The following SCAF11 variants were observed in gnomAD, a reference collection of about 807,000 sequenced individuals.
SCAF11 encodes the protein protein SCAF11.
Under a neutral mutation model 140.5 loss-of-function variants are expected in SCAF11, and 47 were observed. The observed-to-expected ratio is 0.33, with a 90% CI of 0.26 to 0.43. SCAF11 has a LOEUF of 0.43. SCAF11 is among the 20% of genes least tolerant of loss of function. The pLI is 1.00. For synonymous variants in SCAF11, 557 were observed against 579.4 expected, an observed-to-expected ratio of 0.96 and a Z score of 0.55; for missense variants, 1,645 against 1,705.1, an observed-to-expected ratio of 0.96 and a Z score of 0.62.
At chr12:45,973,143 C>G (rs759047049) in intron 1 of SCAF11, among the ~76,000 whole-genome samples, 1 of 148,850 alleles carries the variant, frequency 6.7e-6, no homozygotes, top group Admixed American at 6.7e-5. Flanking sequence ...CAAATGGAAA[C>G]CAACAAAAAG....
intron 1 of SCAF11, among the ~76,000 whole-genome samples, chr12:45,983,617 A>G (rs939352760): frequency 1.3e-5 from 2 of 152,148 alleles, no homozygotes; most frequent in Admixed American, 6.5e-5. Flanking sequence ...CTGGACTTAG[A>G]TAAATGTTAT....
chr12:45,963,958 A>G (rs1945880755), intron 2 of SCAF11, 149 bp downstream of exon 2: 2 of 548,232 alleles, frequency 3.6e-6, no homozygotes, highest in African/African-American at 4.0e-5. Context: ...ATGGGAAGAA[A>G]AAAATGTGTA....
chr12:45,948,295 C>A (rs1444343339), intron 5 of SCAF11, 142 bp downstream of exon 5: 1 of 581,648 alleles, frequency 1.7e-6, no homozygotes, highest in Non-Finnish European at 3.0e-6. Context: ...TTCAGCTAGT[C>A]CCTCCTTAAA....
chr12:45,924,933 C>T lies in SCAF11; in HGVS notation c.3701G>A (p.Gly1234Asp), dbSNP rs1342653930. 3 of 1,613,986 alleles carry T rather than the reference C, an allele frequency of 1.9e-6. No homozygotes were observed. The highest frequency in any genetic ancestry group is 1.3e-5 in the African/African-American group (1 of 74,900). Residue 1234 changes from glycine (G) to aspartate (D), a missense_variant, in exon 12 of 15, where the codon GGT becomes GAT. Transcript: ENST00000369367. ...QPMNIFPYPV[G>D]VHAPLMNIQR... ...GATGTTCATCAAAGGAGCATGAACA[C>T]CCACTGGATATGGGAAGATATTCAT...
chr12:45,931,496 CAA>C lies in SCAF11; in HGVS notation c.841+8_841+9del. ...ATTTTTAAAATAGAAAATGATTTCA[CAA>C]ACTTTACCAAAATGTTCGAAAGATA... On this transcript the variant is annotated splice_region_variant and intron_variant, in intron 10 of 14. Transcript: ENST00000369367. The C allele has an allele frequency of 7.5e-7, 1 of 1,330,964 alleles. No individual in the cohort carries two copies. The highest frequency in any genetic ancestry group is 1.0e-6 in the Non-Finnish European group (1 of 1,004,734). 82.4% of individuals were successfully genotyped at this position (1,330,964 alleles called of 1,614,324 possible). A position where few individuals can be genotyped will look rare whatever the true frequency, so the allele number is the denominator to read the frequency against.
chr12:45,990,433 C>T lies in SCAF11; in HGVS notation c.-102G>A. 1 of 1,232,036 alleles carries T rather than the reference C, an allele frequency of 8.1e-7. No individual in the cohort carries two copies. The allele number at this position is 1,232,036 out of a possible 1,614,324, so 76.3% of individuals were successfully genotyped here. On this transcript the variant is annotated 5_prime_UTR_variant, in exon 1 of 15. Coordinates refer to ENST00000369367, the MANE Select transcript of SCAF11 (RefSeq NM_004719.3). ...GTCCCAGTCACTCCGCTGCCAAGTT[C>T]CCCAACATGGACTCCTTCGTCCGCT...
At chr12:45,933,031 G>T (rs1287479512) in intron 9 of SCAF11, 100 bp downstream of exon 9, 2 of 762,524 alleles carry the variant, frequency 2.6e-6, no homozygotes, top group Non-Finnish European at 2.0e-6. Flanking sequence ...ACTTCCTTAG[G>T]AAAATAACAA....
intron 1 of SCAF11, among the ~76,000 whole-genome samples, chr12:45,969,029 A>C (rs751733730): frequency 1.2e-4 from 18 of 152,208 alleles, no homozygotes; most frequent in Non-Finnish European, 1.6e-4. Context: ...CAAGCACTTC[A>C]AGTGTGGACA....
Position 45,964,203 on chromosome 12 carries a change from A to G in SCAF11, c.-21-15T>C. 1 of 1,179,728 alleles carries G rather than the reference A, an allele frequency of 8.5e-7. No individual in the cohort carries two copies. The highest frequency in any genetic ancestry group is 1.2e-6 in the Non-Finnish European group (1 of 819,794). The allele number at this position is 1,179,728 out of a possible 1,614,324, so 73.1% of individuals were successfully genotyped here. A position where few individuals can be genotyped will look rare whatever the true frequency, so the allele number is the denominator to read the frequency against. ...AAAAGGGTTTCCTATAAGATAAATTATAATAGAGAATTTTATGTTTGCCTT... is the reference window on the plus strand; with the variant it reads ...AAAAGGGTTTCCTATAAGATAAATTGTAATAGAGAATTTTATGTTTGCCTT... On this transcript the variant is annotated splice_polypyrimidine_tract_variant and intron_variant, in intron 1 of 14. Coordinates refer to ENST00000369367, the MANE Select transcript of SCAF11 (RefSeq NM_004719.3).
chr12:45,923,262 T>G lies in SCAF11; in HGVS notation c.3907-108A>C, dbSNP rs534324478. ...AAAACACAAAGCAAACCAACCTTAGTACTAAAGAAAAATGCATATTTCAGG... is the reference window on the plus strand; with the variant it reads ...AAAACACAAAGCAAACCAACCTTAGGACTAAAGAAAAATGCATATTTCAGG... On this transcript the variant is annotated intron_variant, in intron 12 of 14. Coordinates refer to ENST00000369367, the MANE Select transcript of SCAF11 (RefSeq NM_004719.3). 4 of 869,784 alleles carry G rather than the reference T, an allele frequency of 4.6e-6. No homozygotes were observed. The South Asian group carries it at 5.0e-5, about 11-fold the overall frequency. The allele number at this position is 869,784 out of a possible 1,614,324, so 53.9% of individuals were successfully genotyped here.
At position 45,921,930 on chromosome 12, in the gene SCAF11, AAAT is replaced by A; in HGVS notation, c.*115_*117del. On this transcript the variant is annotated 3_prime_UTR_variant, in exon 15 of 15. Coordinates refer to ENST00000369367, the MANE Select transcript of SCAF11 (RefSeq NM_004719.3). ...CAAAACATCATATCCTATGTTAAAA[AAAT>A]AATTTTATCAAAACCAAATTTCAAT... 8.2e-7 allele frequency: 1 copy of A among 1,216,016 alleles called. No individual in the cohort carries two copies. The allele number at this position is 1,216,016 out of a possible 1,614,324, so 75.3% of individuals were successfully genotyped here.
chr12:45,957,134 T>C (rs1945709033), intron 3 of SCAF11, among the ~76,000 whole-genome samples: 1 of 152,210 alleles, frequency 6.6e-6, no homozygotes, highest in Admixed American at 6.5e-5. Context: ...AAATGACTAA[T>C]GTTAGTGGTA....
In SCAF11 at chr12:45,948,486, A is replaced by G; in HGVS notation, c.349T>C (p.Ser117Pro). The change falls in exon 5 of 15, where the codon TCA becomes CCA. Residue 117 changes from serine to proline, a missense_variant. By Grantham distance (74) the Ser-to-Pro change is moderately conservative. Coordinates refer to ENST00000369367, the MANE Select transcript of SCAF11 (RefSeq NM_004719.3). ...TGACAGGAGACCTGTTTCTCAAATG[A>G]GTTTTCATTTTTCTTGTCTTTTGTT... is the stretch of plus-strand genomic sequence containing the variant. ...RETKDKKNEN[S>P]FEKQVSCHEN... 1 of 1,611,986 alleles carries G rather than the reference A, an allele frequency of 6.2e-7. No homozygotes were observed. The highest frequency in any genetic ancestry group is 8.5e-7 in the Non-Finnish European group (1 of 1,179,252).
rs1466800524 is a variant in SCAF11 at position 45,953,735 on chromosome 12, GCTA to G, written c.220-2011_220-2009del. On this transcript the variant is annotated intron_variant, in intron 3 of 14. Transcript: ENST00000369367. ...TGTATAGAGGCCATGAATTTACTGTGCTACTTTCGTATCTTTTTAATAAACTCG... is the reference window on the plus strand; with the variant it reads ...TGTATAGAGGCCATGAATTTACTGTGCTTTCGTATCTTTTTAATAAACTCG... 17 of 309,062 alleles carry G rather than the reference GCTA, an allele frequency of 5.5e-5. No homozygotes were observed. The Admixed American group carries it at 6.1e-4, about 11-fold the overall frequency. 19.1% of individuals were successfully genotyped at this position (309,062 alleles called of 1,614,324 possible).
At chr12:45,983,146 A>C (rs1439032562) in intron 1 of SCAF11, among the ~76,000 whole-genome samples, 1 of 152,198 alleles carries the variant, frequency 6.6e-6, no homozygotes, top group South Asian at 2.1e-4. Flanking sequence ...CTTCAAGTCT[A>C]TCTCTCTCCC....
chr12:45,987,041 A>G (rs753686371), intron 1 of SCAF11, among the ~76,000 whole-genome samples: 2 of 152,196 alleles, frequency 1.3e-5, no homozygotes, highest in Non-Finnish European at 2.9e-5. Flanking sequence ...TTTCAAGGTC[A>G]CATACTGTTA....
chr12:45,958,074 T>A (rs1446274902), intron 3 of SCAF11, among the ~76,000 whole-genome samples: 1 of 152,004 alleles, frequency 6.6e-6, no homozygotes, highest in Non-Finnish European at 1.5e-5. Flanking sequence ...CTAATTTTTT[T>A]TTTTTTTCCC....
At position 45,965,464 on chromosome 12, in the gene SCAF11, G is replaced by A. The variant is rs1412614922; in HGVS notation, c.-21-1276C>T. On this transcript the variant is annotated intron_variant, in intron 1 of 14. Coordinates refer to ENST00000369367, the MANE Select transcript of SCAF11 (RefSeq NM_004719.3). ...ATGGCAAAGGCAAGAAATTCATACA[G>A]TAACATTTTATTTTAATCAACTTTT... Among the ~76,000 whole-genome samples, 3 of 152,138 alleles carry A rather than the reference G, an allele frequency of 2.0e-5. No individual in the cohort carries two copies. The South Asian group carries it at 6.2e-4, about 32-fold the overall frequency.
At position 45,990,569 on chromosome 12, in the gene SCAF11, C is replaced by A; in HGVS notation, c.-238G>T. The A allele has an allele frequency of 8.1e-7, 1 of 1,230,934 alleles. No individual in the cohort carries two copies. Among genetic ancestry groups the A allele is most frequent in the Non-Finnish European group, 1.0e-6 (1 of 987,580 alleles). 76.3% of individuals were successfully genotyped at this position (1,230,934 alleles called of 1,614,324 possible). ...CTGCTCCGCGCGGCTTAAGCCACCGCTACTCCCCCTTCCCCCGCCTTGTCT... is the reference window on the plus strand; with the variant it reads ...CTGCTCCGCGCGGCTTAAGCCACCGATACTCCCCCTTCCCCCGCCTTGTCT... On this transcript the variant is annotated 5_prime_UTR_variant, in exon 1 of 15. Coordinates refer to ENST00000369367, the MANE Select transcript of SCAF11 (RefSeq NM_004719.3).
Sources: allele counts gnomAD v4.1 joint callset (sites outside exome capture counted in the v4.1 genomes callset), GRCh38; gene constraint gnomAD v4.1.1; transcripts MANE v1.5; gene names NCBI Gene and HGNC (gene_info 2026-07-23, HGNC 2026-07-21).